EFL1: variants seen among roughly 807,000 people sequenced by gnomAD.
The protein encoded by EFL1 is elongation factor like GTPase 1, also known as elongation factor-like GTPase 1.
EFL1 carries 76 observed loss-of-function variants against 126.7 expected under a neutral mutation model. That is an observed-to-expected ratio of 0.60 (90% CI 0.50 to 0.73). The LOEUF (loss-of-function observed/expected upper bound fraction) is 0.73, where lower values mean the gene tolerates loss of function less well. Ranked by LOEUF, EFL1 falls within the 30% of genes least tolerant of loss-of-function variation. The pLI, the probability that EFL1 is intolerant of heterozygous loss-of-function variation, is 0.00. For synonymous variants in EFL1, 410 were observed against 448.4 expected (o/e 0.91, Z 1.08); for missense variants, 1,128 against 1,343.2 (o/e 0.84, Z 2.50).
At chr15:82,163,715 A>C in intron 16 of EFL1, 138 bp downstream of exon 16, 2 of 1,016,528 alleles carry the variant, frequency 2.0e-6, no homozygotes, top group Middle Eastern at 3.3e-4. Context: ...TGCCCTTTGA[A>C]GAGTTGCTTC....
chr15:82,151,957 G>A lies in EFL1; in HGVS notation c.2497C>T (p.Pro833Ser), dbSNP rs913228004. The A allele has an allele frequency of 6.2e-7, 1 of 1,614,024 alleles. No individual in the cohort carries two copies. Among genetic ancestry groups the A allele is most frequent in the Non-Finnish European group, 8.5e-7 (1 of 1,180,002 alleles). The part of the protein sequence containing the change: ...IWSFGPRKCG[P>S]NILVNKSEDF... ...TCACTTTTATTGACTAGTATGTTGG[G>A]CCCACATTTTCTTGGGCCAAATGAC... is the stretch of plus-strand genomic sequence containing the variant. The change falls in exon 18 of 20, where the codon CCC becomes TCC. Residue 833 changes from proline to serine, a missense_variant. Around this residue, in one of 6 missense-constraint regions of EFL1, gnomAD observed 561 missense variants for 641.7 expected, o/e 0.87. Transcript: ENST00000268206.
intron 15 of EFL1, among the ~76,000 whole-genome samples, chr15:82,212,044 G>C (rs979040676): frequency 2.0e-5 from 3 of 152,128 alleles, no homozygotes; most frequent in Non-Finnish European, 2.9e-5. Context: ...AGATCTTCAT[G>C]ACTTAAGTAA....
chr15:82,131,805 A>C (rs2073649432), intron 19 of EFL1, among the ~76,000 whole-genome samples: 2 of 152,184 alleles, frequency 1.3e-5, no homozygotes, highest in South Asian at 4.2e-4. Flanking sequence ...AAGAAAAAAA[A>C]AAGTTCAATT....
chr15:82,133,811 CTGTT>C (rs1202881734), intron 19 of EFL1, among the ~76,000 whole-genome samples: 1 of 152,188 alleles, frequency 6.6e-6, no homozygotes, highest in East Asian at 1.9e-4. Flanking sequence ...GGGGTGGTGT[CTGTT>C]TCCTCATATG....
intron 15 of EFL1, among the ~76,000 whole-genome samples, chr15:82,183,996 G>C (rs8034801): frequency 6.6e-6 from 1 of 151,990 alleles, no homozygotes; most frequent in African/African-American, 2.4e-5. Flanking sequence ...TACTTTCTAC[G>C]GGGCTTCAGA....
intron 15 of EFL1, among the ~76,000 whole-genome samples, chr15:82,173,988 G>A (rs991686820): frequency 2.6e-5 from 4 of 152,120 alleles, no homozygotes; most frequent in African/African-American, 9.7e-5. Context: ...AGGAGATGGA[G>A]ACCATCCTGG....
At chr15:82,258,149 T>C (rs549566346) in intron 3 of EFL1, among the ~76,000 whole-genome samples, 32 of 152,306 alleles carry the variant, frequency 2.1e-4, no homozygotes, top group African/African-American at 7.5e-4. Context: ...ATTGATCATA[T>C]CCTAAATTCA....
intron 15 of EFL1, among the ~76,000 whole-genome samples, chr15:82,191,037 G>A (rs2074354540): frequency 6.6e-6 from 1 of 151,366 alleles, no homozygotes; most frequent in Non-Finnish European, 1.5e-5. Flanking sequence ...AAAAAAAAGG[G>A]GGGGGAGTTT....
At chr15:82,202,461 C>A (rs1189490503) in intron 15 of EFL1, among the ~76,000 whole-genome samples, 1 of 152,158 alleles carries the variant, frequency 6.6e-6, no homozygotes, top group Non-Finnish European at 1.5e-5. Context: ...CCAAGGAAAT[C>A]AGTGATAACA....
intron 5 of EFL1, among the ~76,000 whole-genome samples, chr15:82,240,790 C>T (rs1023666652): frequency 6.6e-6 from 1 of 152,204 alleles, no homozygotes; most frequent in Non-Finnish European, 1.5e-5. Flanking sequence ...GTGGGTCACA[C>T]CTGTATCTCA....
chr15:82,238,472 C>A lies in EFL1; in HGVS notation c.566G>T (p.Arg189Ile), dbSNP rs2141324310. The part of the protein sequence containing the change: ...TLFTSKVLEE[R>I]AERETESQVN... ...TTGGGATTCAGTCTCCCTCTCTGCT[C>A]TTTCTTCTAGGACTTTAGAAGTAAA... The change falls in exon 7 of 20, where the codon AGA becomes ATA. Residue 189 changes from arginine (R) to isoleucine (I), a missense_variant. Physicochemically the swap from Arg to Ile is moderately conservative, Grantham distance 97 (BLOSUM62 -3). Transcript: ENST00000268206. 1 of 1,614,074 alleles carries A rather than the reference C, an allele frequency of 6.2e-7. No individual in the cohort carries two copies. The highest frequency in any genetic ancestry group is 2.2e-5 in the East Asian group (1 of 44,870).
At chr15:82,160,586 C>T (rs2074012852) in intron 16 of EFL1, among the ~76,000 whole-genome samples, 1 of 152,068 alleles carries the variant, frequency 6.6e-6, no homozygotes, top group African/African-American at 2.4e-5. Context: ...CTATTTTGTG[C>T]TTCATAATGT....
At chr15:82,168,255 T>G (rs952091482) in intron 15 of EFL1, among the ~76,000 whole-genome samples, 4 of 152,180 alleles carry the variant, frequency 2.6e-5, no homozygotes, top group African/African-American at 4.8e-5. Flanking sequence ...TAACAGGGAA[T>G]CCACACGCTT....
intron 18 of EFL1, among the ~76,000 whole-genome samples, chr15:82,142,652 C>A (rs2073801955): frequency 6.6e-6 from 1 of 152,180 alleles, no homozygotes; most frequent in Non-Finnish European, 1.5e-5. Context: ...AATGACTACA[C>A]TATAAATATC....
At chr15:82,228,362 C>T (rs770080536) in intron 9 of EFL1, 35 bp from the exon 10 acceptor site, 1 of 1,600,988 alleles carries the variant, frequency 6.2e-7, no homozygotes, top group Admixed American at 1.7e-5. Context: ...GGGGAAATGT[C>T]ATATGCAGAT....
intron 15 of EFL1, among the ~76,000 whole-genome samples, chr15:82,200,480 T>C (rs1043713126): frequency 6.6e-6 from 1 of 152,172 alleles, no homozygotes; most frequent in African/African-American, 2.4e-5. Flanking sequence ...TACAAAAGCC[T>C]GGGACAATGT....
chr15:82,165,929 A>G, intron 15 of EFL1, among the ~76,000 whole-genome samples: 1 of 152,056 alleles, frequency 6.6e-6, no homozygotes, highest in East Asian at 1.9e-4. Context: ...TCAAAGTCTA[A>G]ATTTCTTATT....
chr15:82,260,508 T>C (rs1241114666), intron 2 of EFL1, among the ~76,000 whole-genome samples: 2 of 152,212 alleles, frequency 1.3e-5, no homozygotes, highest in African/African-American at 4.8e-5. Context: ...TTTTATTTGA[T>C]TACATCATTC....
rs751494728 is a variant in EFL1 at position 82,228,268 on chromosome 15, T to C, written c.992A>G (p.Glu331Gly). ...TSLGLKIGAR[E>G]ARHSDPKVQI... ...AACTTTAGGGTCTGAATGTCGTGCC[T>C]CCCGGGCTCCAATTTTTAATCCTAA... The change falls in exon 10 of 20, where the codon GAG (glutamate) becomes GGG (glycine). Residue 331 changes from glutamate (E) to glycine (G), a missense_variant. Glu to Gly is a moderately conservative substitution (Grantham distance 98). Transcript: ENST00000268206. The C allele has an allele frequency of 6.2e-7, 1 of 1,614,120 alleles. No homozygotes were observed. Among genetic ancestry groups the C allele is most frequent in the South Asian group, 1.1e-5 (1 of 91,072 alleles).
Sources: allele counts gnomAD v4.1 joint callset (sites outside exome capture counted in the v4.1 genomes callset), GRCh38; gene constraint gnomAD v4.1.1; regional missense constraint gnomAD v4.1.1; transcripts MANE v1.5; gene names NCBI Gene and HGNC (gene_info 2026-07-23, HGNC 2026-07-21).